SUMF1: variants seen among roughly 807,000 people sequenced by gnomAD.
The protein encoded by SUMF1 is sulfatase modifying factor 1.
SUMF1 carries 48 observed loss-of-function variants against 47.6 expected under a neutral mutation model. That is an observed-to-expected ratio of 1.01 (90% CI 0.80 to 1.28). The LOEUF (loss-of-function observed/expected upper bound fraction) is 1.28. SUMF1 is among the 50% of genes most tolerant of loss of function. The pLI is 0.00. For missense variants in SUMF1, 571 were observed against 485.4 expected (o/e 1.18, Z -1.66); for synonymous variants, 230 against 192.1 (o/e 1.20, Z -1.63).
intron 8 of SUMF1, among the ~76,000 whole-genome samples, chr3:4,288,541 AC>A (rs1310538100): frequency 6.6e-6 from 1 of 152,100 alleles, no homozygotes; most frequent in Non-Finnish European, 1.5e-5. Context: ...CCATACAATC[AC>A]CCCACTCAAA....
At position 4,449,329 on chromosome 3, in the gene SUMF1, A is replaced by T; in HGVS notation, c.456T>A (p.Phe152Leu). The T allele has an allele frequency of 6.2e-7, 1 of 1,614,172 alleles. No individual in the cohort carries two copies. Among genetic ancestry groups the T allele is most frequent in the Non-Finnish European group, 8.5e-7 (1 of 1,179,978 alleles). ...TGCCTTCAAAGACAAAGGAGTCGCCAAACTTCTCAGCCTATAAGGAAGGTA... is the reference window on the plus strand; with the variant it reads ...TGCCTTCAAAGACAAAGGAGTCGCCTAACTTCTCAGCCTATAAGGAAGGTA... Reference protein sequence around the residue: ...STGYLTEAEKFGDSFVFEGML... With the variant: ...STGYLTEAEKLGDSFVFEGML... The change falls in exon 3 of 9, where the codon TTT (phenylalanine) becomes TTA (leucine). Residue 152 changes from phenylalanine (F) to leucine (L), a missense_variant. Physicochemically the swap from Phe to Leu is conservative, Grantham distance 22 (BLOSUM62 0). Coordinates refer to ENST00000272902, the MANE Select transcript of SUMF1 (RefSeq NM_182760.4).
At chr3:4,308,337 C>T (rs1474464988) in intron 8 of SUMF1, among the ~76,000 whole-genome samples, 3 of 152,188 alleles carry the variant, frequency 2.0e-5, no homozygotes, top group Non-Finnish European at 4.4e-5. Context: ...ATGCTAATCC[C>T]TAGAGTAAGC....
chr3:4,449,395 T>A (rs1702893253), intron 2 of SUMF1, 55 bp from the exon 3 acceptor site: 1 of 1,548,212 alleles, frequency 6.5e-7, no homozygotes. Context: ...ATGTGTTGCA[T>A]GTGTGCCCTT....
At chr3:4,149,831 G>A (rs1053319224) in intron 8 of SUMF1, among the ~76,000 whole-genome samples, 2 of 152,074 alleles carry the variant, frequency 1.3e-5, no homozygotes, top group Admixed American at 6.5e-5. Flanking sequence ...TGATGAATAG[G>A]GGCCAACGAA....
chr3:4,291,865 T>C (rs969546371), intron 8 of SUMF1, among the ~76,000 whole-genome samples: 17 of 152,180 alleles, frequency 1.1e-4, no homozygotes, highest in African/African-American at 3.1e-4. Context: ...CTATCTTAAA[T>C]AACCTTCCAC....
At chr3:4,400,848 G>A (rs1384386786) in intron 7 of SUMF1, among the ~76,000 whole-genome samples, 3 of 152,134 alleles carry the variant, frequency 2.0e-5, no homozygotes, top group Non-Finnish European at 4.4e-5. Context: ...AAGTTCTAGG[G>A]TACATGTGCA....
At chr3:4,140,323 G>C (rs1694043151) in intron 8 of SUMF1, among the ~76,000 whole-genome samples, 1 of 151,900 alleles carries the variant, frequency 6.6e-6, no homozygotes. Context: ...AAGGACTAGG[G>C]TTCCTCTTTC....
chr3:4,159,826 T>G (rs1386566458), intron 8 of SUMF1, among the ~76,000 whole-genome samples: 1 of 152,198 alleles, frequency 6.6e-6, no homozygotes, highest in African/African-American at 2.4e-5. Flanking sequence ...TCACTGGACA[T>G]ACTATTCTAG....
chr3:4,067,749 C>A (rs955677168), intron 9 of SUMF1, among the ~76,000 whole-genome samples: 1 of 152,160 alleles, frequency 6.6e-6, no homozygotes, highest in Non-Finnish European at 1.5e-5. Flanking sequence ...TGATGTCCTG[C>A]AGGTGCCCAG....
chr3:4,272,923 A>C (rs1439712575), intron 8 of SUMF1, among the ~76,000 whole-genome samples: 1 of 151,994 alleles, frequency 6.6e-6, no homozygotes, highest in East Asian at 1.9e-4. Flanking sequence ...AAAAGTTTAA[A>C]AATTAGCGAG....
intron 3 of SUMF1, among the ~76,000 whole-genome samples, chr3:4,422,216 C>G (rs537588319): frequency 1.5e-3 from 227 of 152,134 alleles, no homozygotes; most frequent in Non-Finnish European, 2.5e-3. Flanking sequence ...GGTTTAGGTG[C>G]CCATGACAGG....
At chr3:4,211,102 C>CCATAG (rs1428303535) in intron 8 of SUMF1, among the ~76,000 whole-genome samples, 24 of 38,804 alleles carry the variant, frequency 6.2e-4, no homozygotes, top group Non-Finnish European at 4.2e-4. Context: ...TAATAAACTC[C>CCATAG]CATATATATA....
intron 8 of SUMF1, among the ~76,000 whole-genome samples, chr3:4,163,859 T>A (rs1012062946): frequency 3.3e-5 from 5 of 152,170 alleles, no homozygotes; most frequent in African/African-American, 9.7e-5. Context: ...TTCTATGAAT[T>A]ACCTTGGAAA....
intron 8 of SUMF1, 151 bp from the exon 9 acceptor site, chr3:4,362,405 C>A (rs1699797528): frequency 5.8e-6 from 4 of 693,116 alleles, no homozygotes; most frequent in Non-Finnish European, 1.0e-5. Context: ...AAAAGGGCAG[C>A]ACATTCAAGA....
At chr3:4,127,771 C>CCATCT (rs1693689078) in intron 8 of SUMF1, among the ~76,000 whole-genome samples, 1 of 152,078 alleles carries the variant, frequency 6.6e-6, no homozygotes, top group Non-Finnish European at 1.5e-5. Context: ...TCTAGACGAA[C>CCATCT]AGAATATAAA....
At chr3:4,232,397 AG>A (rs1281730993) in intron 8 of SUMF1, among the ~76,000 whole-genome samples, 1 of 152,130 alleles carries the variant, frequency 6.6e-6, no homozygotes, top group Non-Finnish European at 1.5e-5. Context: ...CAAAATTCTG[AG>A]GAAGAATATG....
At chr3:4,191,364 A>C (rs1293464849) in intron 8 of SUMF1, among the ~76,000 whole-genome samples, 1 of 152,138 alleles carries the variant, frequency 6.6e-6, no homozygotes, top group Non-Finnish European at 1.5e-5. Context: ...TTTAAGGAAG[A>C]AATTTAGGCA....
At chr3:4,089,134 C>T (rs953197253) in intron 8 of SUMF1, among the ~76,000 whole-genome samples, 5 of 152,062 alleles carry the variant, frequency 3.3e-5, no homozygotes, top group Admixed American at 2.6e-4. Context: ...ATAATTATCC[C>T]TCATGTATTC....
At chr3:4,039,870 CA>C (rs1232881492) in intron 9 of SUMF1, among the ~76,000 whole-genome samples, 2 of 151,934 alleles carry the variant, frequency 1.3e-5, no homozygotes, top group African/African-American at 4.8e-5. Context: ...AAAAAATTTT[CA>C]AATTCACTGG....
Sources: gnomAD v4.1 joint callset for allele counts (sites outside exome capture counted in the v4.1 genomes callset) on GRCh38, gnomAD v4.1.1 for gene constraint, MANE v1.5 for transcripts, NCBI Gene and HGNC (gene_info 2026-07-23, HGNC 2026-07-21) for gene names.